Variants in CSMD1 observed in about 807,000 individuals in gnomAD.
CSMD1 encodes CUB and sushi domain-containing protein 1.
A neutral mutation model predicts 417.5 loss-of-function variants in CSMD1; 213 were observed. That is an observed-to-expected ratio of 0.51 (90% CI 0.46 to 0.57). The LOEUF is 0.57. CSMD1 is among the 20% of genes least tolerant of loss of function. The probability of loss-of-function intolerance (pLI) is 0.00; values close to 1 mark genes in which losing one functional copy is unlikely to be tolerated. For missense variants in CSMD1, 6,923 were observed against 4,529.7 expected (o/e 1.53, Z -15.17); for synonymous variants, 2,862 against 1,736.8 (o/e 1.65, Z -16.11).
chr8:3,488,577 T>C (rs767437889), intron 11 of CSMD1, among the ~76,000 whole-genome samples: 11 of 152,350 alleles, frequency 7.2e-5, no homozygotes, highest in Middle Eastern at 3.4e-3. Context: ...GAAATGTATA[T>C]CAGTAGGCTA....
intron 1 of CSMD1, among the ~76,000 whole-genome samples, chr8:4,794,743 T>C (rs929421042): frequency 1.3e-5 from 2 of 152,158 alleles, no homozygotes; most frequent in Non-Finnish European, 2.9e-5. Context: ...TCTGAACAGA[T>C]TATTGAGCCA....
intron 2 of CSMD1, among the ~76,000 whole-genome samples, chr8:4,452,829 GA>G (rs1282476209): frequency 7.2e-5 from 11 of 152,028 alleles, no homozygotes; most frequent in Non-Finnish European, 1.5e-4. Context: ...AATATCAGGT[GA>G]AAAAAACTAA....
chr8:3,059,825 A>C (rs1269343323), intron 49 of CSMD1, among the ~76,000 whole-genome samples: 1 of 152,104 alleles, frequency 6.6e-6, no homozygotes, highest in Non-Finnish European at 1.5e-5. Context: ...TGTGCAAGCA[A>C]GAGAGAGAAG....
At chr8:4,497,728 C>A (rs1213068521) in intron 2 of CSMD1, among the ~76,000 whole-genome samples, 1 of 152,188 alleles carries the variant, frequency 6.6e-6, no homozygotes, top group Non-Finnish European at 1.5e-5. Flanking sequence ...TACACAACTC[C>A]TTTCAGCACA....
In CSMD1 at chr8:4,927,087, CATTATTATT is replaced by C. The variant is rs142803606; in HGVS notation, c.85+67236_85+67244del. ...AGGGCTGTGTTATTTGCTTTCAATG[CATTATTATT>C]ATTATTATTATTATTATTATTATTA... On this transcript the variant is annotated intron_variant, in intron 1 of 69. Transcript: ENST00000635120. 7.7e-4 allele frequency among the ~76,000 whole-genome samples: 110 copies of C among 143,456 alleles called. 1 individual carries two copies. The highest frequency in any genetic ancestry group is 6.5e-3 in the South Asian group (29 of 4,488). 94.1% of individuals were successfully genotyped at this position (143,456 alleles called of 152,430 possible).
intron 5 of CSMD1, among the ~76,000 whole-genome samples, chr8:3,948,542 T>G (rs558314144): frequency 9.9e-5 from 15 of 152,148 alleles, no homozygotes; most frequent in Non-Finnish European, 2.1e-4. Flanking sequence ...TATATTATAT[T>G]TGGTTGCTGG....
chr8:4,665,700 T>G (rs576000484), intron 1 of CSMD1, among the ~76,000 whole-genome samples: 1 of 152,344 alleles, frequency 6.6e-6, no homozygotes, highest in East Asian at 1.9e-4. Flanking sequence ...CATAATCTAT[T>G]CCTCTTTGTT....
rs551266254 is a variant in CSMD1 at position 3,216,125 on chromosome 8, T to C, written c.4673-1434A>G. ...GATACATATATATTTTATATACATT[T>C]CTTGTTTTGTGCCTTCAAACCAGTG... On this transcript the variant is annotated intron_variant, in intron 29 of 69. Transcript: ENST00000635120. Among the ~76,000 whole-genome samples, 22 of 151,522 alleles carry C rather than the reference T, an allele frequency of 1.5e-4. No homozygotes were observed. The East Asian group carries it at 3.7e-3, about 25-fold the overall frequency.
chr8:4,128,865 C>A (rs1647343), intron 3 of CSMD1, among the ~76,000 whole-genome samples: 14,092 of 152,054 alleles, frequency 0.093, 825 homozygotes, highest in Non-Finnish European at 0.13. Context: ...AGGCTCTGTG[C>A]ATGCGCTGTA....
intron 1 of CSMD1, among the ~76,000 whole-genome samples, chr8:4,856,099 G>T (rs1406934839): frequency 6.6e-6 from 1 of 151,970 alleles, no homozygotes; most frequent in Non-Finnish European, 1.5e-5. Flanking sequence ...AAGAGAGTGG[G>T]GGCCAATATT....
intron 41 of CSMD1, among the ~76,000 whole-genome samples, chr8:3,127,071 A>C (rs894704832): frequency 1.3e-5 from 2 of 152,222 alleles, no homozygotes; most frequent in African/African-American, 4.8e-5. Context: ...ATCTGCAGGG[A>C]GAACATCCGT....
At chr8:4,517,390 AC>A (rs1172318105) in intron 2 of CSMD1, among the ~76,000 whole-genome samples, 2 of 152,160 alleles carry the variant, frequency 1.3e-5, no homozygotes, top group African/African-American at 4.8e-5. Context: ...AATCTCCCAG[AC>A]CACTGGCTTC....
At chr8:3,120,323 T>C (rs1049804878) in intron 41 of CSMD1, among the ~76,000 whole-genome samples, 12 of 152,088 alleles carry the variant, frequency 7.9e-5, no homozygotes, top group African/African-American at 2.9e-4. Context: ...CAATTGGACA[T>C]CAACATAAAG....
intron 7 of CSMD1, among the ~76,000 whole-genome samples, chr8:3,644,940 G>A (rs1050077730): frequency 7.3e-6 from 1 of 136,428 alleles, no homozygotes; most frequent in South Asian, 2.2e-4. Context: ...GAAATTCCAG[G>A]GTTACGGATC....
intron 49 of CSMD1, among the ~76,000 whole-genome samples, chr8:3,075,107 T>G (rs1813561462): frequency 6.6e-6 from 1 of 152,118 alleles, no homozygotes; most frequent in African/African-American, 2.4e-5. Flanking sequence ...TGCTAGGCGA[T>G]GTGCCTGATC....
intron 3 of CSMD1, among the ~76,000 whole-genome samples, chr8:4,048,876 T>C (rs972625276): frequency 1.1e-4 from 16 of 152,236 alleles, no homozygotes; most frequent in African/African-American, 3.4e-4. Context: ...AAGCTCATTT[T>C]TACAGCTGCT....
At chr8:4,925,129 G>T (rs1002174167) in intron 1 of CSMD1, among the ~76,000 whole-genome samples, 3 of 146,968 alleles carry the variant, frequency 2.0e-5, no homozygotes, top group Non-Finnish European at 4.5e-5. Flanking sequence ...CTTTCTGAAT[G>T]TTTAGTCCCT....
chr8:4,036,959 GTGTGTGTGTGTGT>G (rs1797651048), intron 3 of CSMD1, among the ~76,000 whole-genome samples: 1 of 9,804 alleles, frequency 1.0e-4, no homozygotes, highest in African/African-American at 2.6e-4. Context: ...AGTGTGGGGT[GTGTGTGTGTGTGT>G]GTGTGTGTGT....
intron 3 of CSMD1, among the ~76,000 whole-genome samples, chr8:4,191,541 T>C (rs571574038): frequency 6.6e-6 from 1 of 152,330 alleles, no homozygotes; most frequent in Non-Finnish European, 1.5e-5. Context: ...GTGTCTCATC[T>C]GAACTACAAC....
Sources: allele counts gnomAD v4.1 joint callset (sites outside exome capture counted in the v4.1 genomes callset), GRCh38; gene constraint gnomAD v4.1.1; transcripts MANE v1.5; gene names NCBI Gene and HGNC (gene_info 2026-07-23, HGNC 2026-07-21).